The following GRM7 variants were observed in gnomAD, a reference collection of about 807,000 sequenced individuals.
The protein encoded by GRM7 is metabotropic glutamate receptor 7.
In GRM7, 35 loss-of-function variants were observed where a neutral mutation model predicts 84.5. The ratio of observed to expected loss-of-function variants is 0.41; its 90% CI spans 0.32 to 0.55. The LOEUF (loss-of-function observed/expected upper bound fraction) is 0.55. Among genes scored for constraint, GRM7 ranks in the 20% least tolerant of loss-of-function variants. The pLI, the probability that GRM7 is intolerant of heterozygous loss-of-function variation, is 0.19. For synonymous variants in GRM7, 487 were observed against 455.1 expected, an observed-to-expected ratio of 1.07 and a Z score of -0.89; for missense variants, 1,003 against 1,194.6, an observed-to-expected ratio of 0.84 and a Z score of 2.36.
At chr3:7,024,024 CCAGGG>C (rs760298644) in intron 1 of GRM7, among the ~76,000 whole-genome samples, 2 of 152,144 alleles carry the variant, frequency 1.3e-5, no homozygotes, top group Admixed American at 6.5e-5. Context: ...GAGGCGCAAA[CCAGGG>C]CAGCAGGCCC....
At chr3:7,186,281 A>T (rs982511760) in intron 2 of GRM7, among the ~76,000 whole-genome samples, 10 of 152,206 alleles carry the variant, frequency 6.6e-5, no homozygotes, top group African/African-American at 2.4e-4. Context: ...AAATTAATAA[A>T]ATTTGAGTGC....
intron 2 of GRM7, among the ~76,000 whole-genome samples, chr3:7,164,213 G>C (rs1694725568): frequency 6.6e-6 from 1 of 152,244 alleles, no homozygotes; most frequent in East Asian, 1.9e-4. Flanking sequence ...ACAAAAATTA[G>C]CCAGGTGTGA....
chr3:7,699,378 ACT>A (rs1453208205), intron 9 of GRM7, among the ~76,000 whole-genome samples: 2 of 152,174 alleles, frequency 1.3e-5, no homozygotes, highest in African/African-American at 2.4e-5. Context: ...TCTTCCTTCA[ACT>A]CTCTACATAC....
chr3:7,690,676 T>C (rs1313905761), intron 9 of GRM7, among the ~76,000 whole-genome samples: 3 of 152,196 alleles, frequency 2.0e-5, no homozygotes, highest in Non-Finnish European at 2.9e-5. Flanking sequence ...GGGCCACAGA[T>C]ATCTATACTT....
chr3:7,627,673 G>C (rs1022142549), intron 8 of GRM7, among the ~76,000 whole-genome samples: 2 of 152,052 alleles, frequency 1.3e-5, no homozygotes, highest in African/African-American at 2.4e-5. Flanking sequence ...ACTGGGTGGT[G>C]GAAACAACAG....
intron 2 of GRM7, among the ~76,000 whole-genome samples, chr3:7,187,412 A>T (rs1293295045): frequency 6.6e-6 from 1 of 152,128 alleles, no homozygotes; most frequent in East Asian, 1.9e-4. Context: ...CAAGGCTAGG[A>T]TATATTTATT....
chr3:7,387,279 G>A (rs1694822093), intron 4 of GRM7, among the ~76,000 whole-genome samples: 1 of 152,092 alleles, frequency 6.6e-6, no homozygotes, highest in Non-Finnish European at 1.5e-5. Context: ...TGGGGCAGAA[G>A]CTCTTTAGTT....
chr3:7,076,390 C>A (rs1179452781), intron 1 of GRM7, among the ~76,000 whole-genome samples: 3 of 152,142 alleles, frequency 2.0e-5, no homozygotes, highest in Admixed American at 6.5e-5. Flanking sequence ...GACAGTTTCC[C>A]CCATGCTGTT....
chr3:7,727,945 A>T (rs1299875060), intron 9 of GRM7, among the ~76,000 whole-genome samples: 1 of 152,150 alleles, frequency 6.6e-6, no homozygotes, highest in Non-Finnish European at 1.5e-5. Context: ...TGTCAGGCTA[A>T]GCCTAGTTGG....
chr3:7,713,754 G>A (rs1701673212), intron 9 of GRM7, among the ~76,000 whole-genome samples: 1 of 143,382 alleles, frequency 7.0e-6, no homozygotes. Flanking sequence ...AACAGAATTT[G>A]CTCCTGGGAT....
rs185855274 is a variant in GRM7, at chr3:7,708,445, G to A, written c.2698+28150G>A. On this transcript the variant is annotated intron_variant, in intron 9 of 9. Transcript: ENST00000357716. Reference sequence around the variant, plus strand: ...GAAGAAAAGTCCTCATTCTGCCTAAGGCAGTCAGAGGAGGCTTCCTGAGAG... The same window carrying A: ...GAAGAAAAGTCCTCATTCTGCCTAAAGCAGTCAGAGGAGGCTTCCTGAGAG... Among the ~76,000 whole-genome samples the A allele has an allele frequency of 3.1e-3, 478 of 152,258 alleles. 7 individuals carry two copies. Among genetic ancestry groups the A allele is most frequent in the Middle Eastern group, 0.02 (6 of 294 alleles).
At chr3:7,554,298 G>T (rs997806438) in intron 7 of GRM7, among the ~76,000 whole-genome samples, 4 of 152,170 alleles carry the variant, frequency 2.6e-5, no homozygotes, top group Non-Finnish European at 4.4e-5. Context: ...GAAACTCTTT[G>T]TGTATGCCCA....
chr3:7,033,860 TGAA>T (rs954835860), intron 1 of GRM7, among the ~76,000 whole-genome samples: 2 of 152,162 alleles, frequency 1.3e-5, no homozygotes, highest in African/African-American at 2.4e-5. Flanking sequence ...GGTGTGAAAG[TGAA>T]GAAGAGGACC....
chr3:7,529,120 C>A (rs900302561), intron 7 of GRM7, among the ~76,000 whole-genome samples: 5 of 152,004 alleles, frequency 3.3e-5, no homozygotes, highest in African/African-American at 4.8e-5. Context: ...AGTCTGGAAA[C>A]TGAATATTTT....
intron 4 of GRM7, among the ~76,000 whole-genome samples, chr3:7,399,387 T>C (rs1037823553): frequency 6.6e-6 from 1 of 152,138 alleles, no homozygotes; most frequent in Non-Finnish European, 1.5e-5. Context: ...ACTGCTGCTA[T>C]AATTGAGGGC....
At chr3:7,088,666 A>G (rs1166213225) in intron 1 of GRM7, among the ~76,000 whole-genome samples, 2 of 50,606 alleles carry the variant, frequency 4.0e-5, no homozygotes, top group Non-Finnish European at 6.9e-5. Flanking sequence ...ATCTGAAGCC[A>G]CAAGGACATT....
At chr3:7,058,343 A>G (rs1469740137) in intron 1 of GRM7, among the ~76,000 whole-genome samples, 2 of 151,930 alleles carry the variant, frequency 1.3e-5, no homozygotes, top group Admixed American at 1.3e-4. Context: ...TAACACAAAT[A>G]TTGTTCTAAA....
Position 7,306,792 on chromosome 3 carries a change from A to C in GRM7, c.1033+140A>C, listed in dbSNP as rs571696292. On this transcript the variant is annotated intron_variant, in intron 4 of 9. Transcript: ENST00000357716. ...TTCAAACTTATAGCCATGAAATGCA[A>C]ATGAGGCCACACACCTGGTCTGTTC... 13 of 611,780 alleles carry C rather than the reference A, an allele frequency of 2.1e-5. No individual in the cohort carries two copies. The South Asian group carries it at 3.3e-4, about 16-fold the overall frequency. 37.9% of individuals were successfully genotyped at this position (611,780 alleles called of 1,614,324 possible).
chr3:7,201,249 T>C (rs922934260), intron 2 of GRM7, among the ~76,000 whole-genome samples: 1 of 152,100 alleles, frequency 6.6e-6, no homozygotes, highest in African/African-American at 2.4e-5. Context: ...GAATATTGAG[T>C]TTCAGGGAGG....
Sources: gnomAD v4.1 joint callset for allele counts (sites outside exome capture counted in the v4.1 genomes callset) on GRCh38, gnomAD v4.1.1 for gene constraint, MANE v1.5 for transcripts, NCBI Gene and HGNC (gene_info 2026-07-23, HGNC 2026-07-21) for gene names.